Variants in KDM6A observed in about 807,000 individuals in gnomAD.
KDM6A encodes lysine demethylase 6A, also known as lysine-specific demethylase 6A.
In KDM6A, 11 loss-of-function variants were observed where a neutral mutation model predicts 117.6. The ratio of observed to expected loss-of-function variants is 0.09; its 90% confidence interval spans 0.06 to 0.15. The LOEUF is 0.15. Among genes scored for constraint, KDM6A ranks in the 10% least tolerant of loss-of-function variants. The pLI is 1.00. For synonymous variants in KDM6A, 384 were observed against 396.1 expected, an observed-to-expected ratio of 0.97 and a Z score of 0.36; for missense variants, 799 against 1,077.3, an observed-to-expected ratio of 0.74 and a Z score of 3.62.
rs747821170 is a variant in KDM6A, at chrX:44,963,440, AGTGTGTGT to A, written c.334+2087_334+2094del. Among the ~76,000 whole-genome samples, 662 of 69,855 alleles carry A rather than the reference AGTGTGTGT, an allele frequency of 9.5e-3. 3 individuals carry two copies. Among genetic ancestry groups the A allele is most frequent in the Non-Finnish European group, 0.014 (515 of 38,114 alleles). 60.7% of individuals were successfully genotyped at this position (69,855 alleles called of 115,157 possible). A position where few individuals can be genotyped will look rare whatever the true frequency, so the allele number is the denominator to read the frequency against. ...CACTGCACTCCAGCCAGGGTGACAG[AGTGTGTGT>A]GTGTGTGTGTGTGTGTGTGTGTGTG... On this transcript the variant is annotated intron_variant, in intron 3 of 29. Transcript: ENST00000611820.
At chrX:45,070,708 GT>G (rs761072075) in intron 18 of KDM6A, among the ~76,000 whole-genome samples, 458 of 98,591 alleles carry the variant, frequency 4.6e-3, no homozygotes, top group Middle Eastern at 5.3e-3. Flanking sequence ...AACCCTATGG[GT>G]TTTTTTTTTT....
In KDM6A at chrX:44,873,285, G is replaced by A. The variant is rs1345958528; in HGVS notation, c.-267G>A. ...CGCTCCGGCCGTTCCCGCCGTCCCC[G>A]CCTGTGGCTGCCCCCTGCCCAACCC... is the stretch of plus-strand genomic sequence containing the variant. On this transcript the variant is annotated 5_prime_UTR_variant, in exon 1 of 30. Transcript: ENST00000611820. The A allele has an allele frequency of 5.1e-6, 1 of 197,533 alleles. No homozygotes were observed. Among genetic ancestry groups the A allele is most frequent in the African/African-American group, 3.2e-5 (1 of 30,899 alleles). 16.3% of individuals were successfully genotyped at this position (197,533 alleles called of 1,213,427 possible). A position where few individuals can be genotyped will look rare whatever the true frequency, so the allele number is the denominator to read the frequency against.
chrX:44,947,746 T>C (rs1232562834), intron 2 of KDM6A, among the ~76,000 whole-genome samples: 1 of 111,826 alleles, frequency 8.9e-6, no homozygotes, highest in Admixed American at 9.5e-5. Context: ...CAAGAACAGT[T>C]TTAAAATAAC....
chrX:44,975,315 T>A lies in KDM6A; in HGVS notation c.384+600T>A, dbSNP rs759528946. On this transcript the variant is annotated intron_variant, in intron 4 of 29. Transcript: ENST00000611820. ...TTATTGAGCAGTGAGTTTTTTTTTT[T>A]AAATCTGAATTGCTGTTTCAGATTT... Among the ~76,000 whole-genome samples the A allele has an allele frequency of 3.6e-5, 4 of 110,929 alleles. No homozygotes were observed. The South Asian group carries it at 1.1e-3, about 31-fold the overall frequency.
At chrX:44,910,248 G>A (rs188073470) in intron 2 of KDM6A, among the ~76,000 whole-genome samples, 15 of 111,784 alleles carry the variant, frequency 1.3e-4, no homozygotes, top group African/African-American at 4.5e-4. Flanking sequence ...GTGCAGTGGC[G>A]TGATCTTGGT....
In KDM6A at chrX:45,069,897, C is replaced by T. The variant is rs2148044261; in HGVS notation, c.2398C>T (p.Pro800Ser). 8.3e-7 allele frequency: 1 copy of T among 1,211,172 alleles called. No homozygotes were observed. Among genetic ancestry groups the T allele is most frequent in the Non-Finnish European group, 1.1e-6 (1 of 894,898 alleles). ...PNSTASVEGL[P>S]NHVHQMTADA... ...CAGCACTGCCAGTGTCGAGGGACTT[C>T]CTAATCATGTCCATCAGATGACGGC... The change falls in exon 18 of 30, where the codon CCT becomes TCT. Residue 800 changes from proline to serine, a missense_variant. By Grantham distance (74) the Pro-to-Ser change is moderately conservative (BLOSUM62 -1). Coordinates refer to ENST00000611820, the MANE Select transcript of KDM6A (RefSeq NM_001291415.2).
chrX:44,983,088 A>C (rs1219387387), intron 4 of KDM6A, among the ~76,000 whole-genome samples: 1 of 112,050 alleles, frequency 8.9e-6, no homozygotes, highest in African/African-American at 3.2e-5. Flanking sequence ...GAGCTCTTTT[A>C]AAGAAAAGTT....
In KDM6A at chrX:44,996,947, G is replaced by A. The variant is rs753567195; in HGVS notation, c.385-14014G>A. 5.9e-4 allele frequency among the ~76,000 whole-genome samples: 66 copies of A among 111,412 alleles called. 1 individual carries two copies. Among genetic ancestry groups the A allele is most frequent in the African/African-American group, 1.9e-3 (58 of 30,550 alleles). On this transcript the variant is annotated intron_variant, in intron 4 of 29. Coordinates refer to ENST00000611820, the MANE Select transcript of KDM6A (RefSeq NM_001291415.2). The stretch of plus-strand genomic sequence containing the variant: ...TGGGAGAGATTCCCTTGCCCCCCTC[G>A]CAGGGCATGTGATGGGGGTGTGGCT...
chrX:45,008,234 C>T (rs541921058), intron 4 of KDM6A, among the ~76,000 whole-genome samples: 1 of 110,456 alleles, frequency 9.1e-6, no homozygotes, highest in Admixed American at 9.6e-5. Flanking sequence ...ATTAGCTGGG[C>T]GTGGTGGCGG....
chrX:44,928,955 G>T (rs908511162), intron 2 of KDM6A, among the ~76,000 whole-genome samples: 1 of 110,944 alleles, frequency 9.0e-6, no homozygotes, highest in African/African-American at 3.3e-5. Context: ...TTTTTGAGAC[G>T]GAGTGTCGCT....
intron 2 of KDM6A, among the ~76,000 whole-genome samples, chrX:44,894,915 C>T (rs1013597069): frequency 2.8e-5 from 3 of 108,301 alleles, no homozygotes; most frequent in African/African-American, 6.7e-5. Flanking sequence ...TACAGGCACC[C>T]GCCATCATGC....
chrX:45,026,831 CAAAA>C (rs779434779), intron 6 of KDM6A, among the ~76,000 whole-genome samples: 2 of 42,687 alleles, frequency 4.7e-5, no homozygotes, highest in African/African-American at 7.4e-5. Flanking sequence ...AACTCCATCT[CAAAA>C]AAAAAAAAAA....
chrX:44,924,752 G>T (rs2036208231), intron 2 of KDM6A, among the ~76,000 whole-genome samples: 1 of 109,254 alleles, frequency 9.2e-6, no homozygotes, highest in Admixed American at 9.8e-5. Context: ...GCAGTGGCAC[G>T]ATCATGTCTC....
At chrX:44,989,904 G>A (rs1239398167) in intron 4 of KDM6A, among the ~76,000 whole-genome samples, 1 of 111,595 alleles carries the variant, frequency 9.0e-6, no homozygotes, top group South Asian at 3.8e-4. Context: ...TAGGTTTTGT[G>A]TACCAAGAGG....
At chrX:45,041,999 C>G (rs1277811682) in intron 8 of KDM6A, among the ~76,000 whole-genome samples, 1 of 110,490 alleles carries the variant, frequency 9.1e-6, no homozygotes, top group East Asian at 2.9e-4. Flanking sequence ...TCTGCAATCC[C>G]GGCACCTCGG....
intron 9 of KDM6A, among the ~76,000 whole-genome samples, chrX:45,052,183 C>T (rs1357777049): frequency 8.9e-6 from 1 of 112,174 alleles, no homozygotes; most frequent in Non-Finnish European, 1.9e-5. Flanking sequence ...AACAATTTAT[C>T]TAAAAACTGT....
intron 6 of KDM6A, among the ~76,000 whole-genome samples, chrX:45,024,934 A>G (rs187792372): frequency 9.4e-4 from 105 of 111,998 alleles, no homozygotes; most frequent in African/African-American, 3.3e-3. Flanking sequence ...GCTAATGCTC[A>G]GCAAACTTTA....
intron 6 of KDM6A, among the ~76,000 whole-genome samples, chrX:45,031,348 T>C (rs1219213750): frequency 8.9e-6 from 1 of 112,265 alleles, no homozygotes; most frequent in African/African-American, 3.2e-5. Flanking sequence ...AGATAAAAGC[T>C]GGTTGCCAGC....
chrX:44,919,294 C>T (rs1488494424), intron 2 of KDM6A, among the ~76,000 whole-genome samples: 1 of 111,407 alleles, frequency 9.0e-6, no homozygotes. Flanking sequence ...TCTCTAGGCT[C>T]TTCTTGGCTG....
Sources: allele counts gnomAD v4.1 joint callset (sites outside exome capture counted in the v4.1 genomes callset), GRCh38; gene constraint gnomAD v4.1.1; transcripts MANE v1.5; gene names NCBI Gene and HGNC (gene_info 2026-07-23, HGNC 2026-07-21).